GPHN: variants seen among roughly 807,000 people sequenced by gnomAD.
GPHN encodes the protein gephyrin.
A neutral mutation model predicts 95.5 loss-of-function variants in GPHN; 17 were observed. That is an observed-to-expected ratio of 0.18 (90% CI 0.12 to 0.27). The LOEUF is 0.27. Ranked by LOEUF, GPHN falls within the 10% of genes least tolerant of loss-of-function variation. GPHN has a pLI of 1.00. For missense variants in GPHN, 660 were observed against 978.1 expected (o/e 0.67, Z 4.34); for synonymous variants, 320 against 322.5 (o/e 0.99, Z 0.08).
chr14:67,401,141 A>G, the GPHN span, among the ~76,000 whole-genome samples: 1 of 152,070 alleles, frequency 6.6e-6, no homozygotes, highest in Non-Finnish European at 1.5e-5. Context: ...TTAAATTAAA[A>G]TGGGGTCATT....
At chr14:66,865,832 A>T (rs1254152077) in intron 4 of GPHN, among the ~76,000 whole-genome samples, 2 of 152,282 alleles carry the variant, frequency 1.3e-5, no homozygotes, top group East Asian at 3.9e-4. Flanking sequence ...CTAAATTTTT[A>T]AATAATTTTT....
the GPHN span, among the ~76,000 whole-genome samples, chr14:67,379,010 A>G: frequency 2.7e-4 from 41 of 152,324 alleles, no homozygotes; most frequent in African/African-American, 8.7e-4. Flanking sequence ...ATATAAGCCT[A>G]TTATTAAGCA....
At chr14:67,073,016 A>G (rs545924048) in intron 11 of GPHN, among the ~76,000 whole-genome samples, 2 of 152,068 alleles carry the variant, frequency 1.3e-5, no homozygotes, top group Non-Finnish European at 2.9e-5. Flanking sequence ...TTGTTTCATC[A>G]TGCATTTTAT....
At chr14:66,637,002 C>T (rs544107660) in intron 1 of GPHN, among the ~76,000 whole-genome samples, 115 of 152,282 alleles carry the variant, frequency 7.6e-4, no homozygotes, top group African/African-American at 2.4e-3. Flanking sequence ...AGTTAACACC[C>T]GGACTCCTTT....
chr14:67,521,668 A>G, the GPHN span, among the ~76,000 whole-genome samples: 2 of 152,246 alleles, frequency 1.3e-5, no homozygotes, highest in African/African-American at 2.4e-5. Flanking sequence ...GAATTCATCC[A>G]TAAAGCATTA....
intron 1 of GPHN, among the ~76,000 whole-genome samples, chr14:66,527,928 A>G (rs183797591): frequency 3.9e-4 from 59 of 152,296 alleles, no homozygotes; most frequent in African/African-American, 1.4e-3. Flanking sequence ...GGTCCTGAGA[A>G]GAATGTATAT....
At chr14:67,072,967 T>C (rs1011495917) in intron 11 of GPHN, among the ~76,000 whole-genome samples, 16 of 152,296 alleles carry the variant, frequency 1.1e-4, no homozygotes, top group Non-Finnish European at 7.4e-5. Context: ...ATAGTTGGCA[T>C]ATTGGTATGT....
At chr14:67,670,945 C>G in the GPHN span, among the ~76,000 whole-genome samples, 1 of 152,324 alleles carries the variant, frequency 6.6e-6, no homozygotes, top group Admixed American at 6.5e-5. Context: ...GCATAAGCTA[C>G]ATGCAAGGAC....
chr14:67,341,254 G>A, the GPHN span, among the ~76,000 whole-genome samples: 1 of 148,360 alleles, frequency 6.7e-6, no homozygotes, highest in African/African-American at 2.5e-5. Context: ...GCCGCCCATC[G>A]TCTGAGATGT....
At chr14:67,216,007 G>A in the GPHN span, among the ~76,000 whole-genome samples, 4 of 151,768 alleles carry the variant, frequency 2.6e-5, no homozygotes, top group Admixed American at 6.6e-5. Flanking sequence ...TATTTTTTGC[G>A]TGCAGTTTTA....
the GPHN span, chr14:67,648,959 G>T: frequency 2.6e-5 from 4 of 152,200 alleles, no homozygotes; most frequent in South Asian, 2.1e-4. Context: ...AGCTGGGATA[G>T]AAACTCACAT....
At chr14:66,546,375 C>T (rs79837184) in intron 1 of GPHN, among the ~76,000 whole-genome samples, 45 of 152,128 alleles carry the variant, frequency 3.0e-4, no homozygotes, top group African/African-American at 8.7e-4. Flanking sequence ...GGGTGGCGGC[C>T]GGGCAGAGGC....
chr14:66,999,092 T>A (rs2072035043), intron 9 of GPHN, among the ~76,000 whole-genome samples: 1 of 151,712 alleles, frequency 6.6e-6, no homozygotes, highest in African/African-American at 2.4e-5. Flanking sequence ...AGCAAGTGAG[T>A]GGCAGAAAAT....
At chr14:67,086,839 C>T (rs1042477055) in intron 11 of GPHN, among the ~76,000 whole-genome samples, 6 of 151,066 alleles carry the variant, frequency 4.0e-5, no homozygotes, top group African/African-American at 1.5e-4. Context: ...GAGATCGAGA[C>T]CATCCTGGAT....
the GPHN span, among the ~76,000 whole-genome samples, chr14:67,707,164 G>A: frequency 6.6e-6 from 1 of 152,152 alleles, no homozygotes; most frequent in South Asian, 2.1e-4. Context: ...TCCAAATTAG[G>A]AAAAATGGGG....
intron 1 of GPHN, among the ~76,000 whole-genome samples, chr14:66,566,476 A>C (rs1044064808): frequency 6.6e-6 from 1 of 152,194 alleles, no homozygotes; most frequent in African/African-American, 2.4e-5. Flanking sequence ...GGTCTGTAAC[A>C]CAAAGGCAGT....
the GPHN span, among the ~76,000 whole-genome samples, chr14:67,624,826 T>C: frequency 3.3e-5 from 5 of 152,196 alleles, no homozygotes; most frequent in Non-Finnish European, 5.9e-5. Flanking sequence ...TGGGGAGCAT[T>C]TATTCAAGAA....
At chr14:66,961,362 T>C (rs1321841865) in intron 8 of GPHN, among the ~76,000 whole-genome samples, 1 of 151,990 alleles carries the variant, frequency 6.6e-6, no homozygotes, top group Non-Finnish European at 1.5e-5. Flanking sequence ...CCAGGAAGGA[T>C]TCCTTTTAAG....
At chr14:67,662,132 G>A in the GPHN span, among the ~76,000 whole-genome samples, 12 of 151,670 alleles carry the variant, frequency 7.9e-5, no homozygotes, top group African/African-American at 2.9e-4. Context: ...CTCCAGCTTG[G>A]GCAACAGAGC....
Sources: allele counts gnomAD v4.1 joint callset (sites outside exome capture counted in the v4.1 genomes callset), GRCh38; gene constraint gnomAD v4.1.1; transcripts MANE v1.5; gene names NCBI Gene and HGNC (gene_info 2026-07-23, HGNC 2026-07-21).